The following APBA1 variants were observed in gnomAD, a reference collection of about 807,000 sequenced individuals.
The protein encoded by APBA1 is amyloid beta precursor protein binding family A member 1.
APBA1 carries 55 observed loss-of-function variants against 86.6 expected under a neutral mutation model. That is an observed-to-expected ratio of 0.64 (90% CI 0.51 to 0.80). The LOEUF (loss-of-function observed/expected upper bound fraction) is 0.80, where lower values mean the gene tolerates loss of function less well. Ranked by LOEUF, APBA1 falls within the 30% of genes least tolerant of loss-of-function variation. The probability of loss-of-function intolerance (pLI) is 0.00; values close to 1 mark genes in which losing one functional copy is unlikely to be tolerated. For missense variants in APBA1, 1,090 were observed against 1,183.0 expected (o/e 0.92, Z 1.15); for synonymous variants, 511 against 493.9 (o/e 1.03, Z -0.46).
At chr9:69,440,318 AG>A (rs1834793659) in intron 11 of APBA1, among the ~76,000 whole-genome samples, 1 of 152,218 alleles carries the variant, frequency 6.6e-6, no homozygotes, top group Non-Finnish European at 1.5e-5. Flanking sequence ...GCTGTCAGAC[AG>A]GGACATTTAA....
At chr9:69,634,567 A>G (rs980980616) in intron 1 of APBA1, among the ~76,000 whole-genome samples, 2 of 152,194 alleles carry the variant, frequency 1.3e-5, no homozygotes, top group African/African-American at 4.8e-5. Context: ...TCAAAGGGAT[A>G]ATAACAGAGA....
chr9:69,501,087 A>T (rs1408193382), intron 2 of APBA1, among the ~76,000 whole-genome samples: 1 of 152,002 alleles, frequency 6.6e-6, no homozygotes, highest in Non-Finnish European at 1.5e-5. Context: ...GTAGGGTCTG[A>T]CCAAGAGGTC....
At chr9:69,452,441 T>C (rs1158183707) in intron 8 of APBA1, 140 bp from the exon 9 acceptor site, 4 of 751,150 alleles carry the variant, frequency 5.3e-6, no homozygotes, top group Non-Finnish European at 8.4e-6. Flanking sequence ...CCAGTGGTTC[T>C]ACGTGGGGCT....
intron 1 of APBA1, among the ~76,000 whole-genome samples, chr9:69,612,227 T>C (rs968894713): frequency 6.6e-6 from 1 of 152,068 alleles, no homozygotes; most frequent in Non-Finnish European, 1.5e-5. Flanking sequence ...ACTATAAAAA[T>C]GGTTAACAGG....
intron 1 of APBA1, among the ~76,000 whole-genome samples, chr9:69,555,838 C>G (rs1227742221): frequency 6.6e-6 from 1 of 152,076 alleles, no homozygotes; most frequent in Non-Finnish European, 1.5e-5. Context: ...CTGTCATGTC[C>G]TCTGCTCATT....
intron 1 of APBA1, among the ~76,000 whole-genome samples, chr9:69,611,329 A>G (rs896851108): frequency 1.3e-5 from 2 of 151,910 alleles, no homozygotes; most frequent in Non-Finnish European, 2.9e-5. Flanking sequence ...AAACCGGCTA[A>G]AATGCTTCCC....
At chr9:69,569,695 T>A (rs192877886) in intron 1 of APBA1, among the ~76,000 whole-genome samples, 1 of 152,212 alleles carries the variant, frequency 6.6e-6, no homozygotes, top group Non-Finnish European at 1.5e-5. Context: ...GAAAACTTTG[T>A]CTGCAAGACT....
At chr9:69,635,010 G>A (rs1454164286) in intron 1 of APBA1, among the ~76,000 whole-genome samples, 2 of 152,038 alleles carry the variant, frequency 1.3e-5, no homozygotes, top group Admixed American at 6.6e-5. Flanking sequence ...GTATGCTAAT[G>A]AACAATAAGA....
At chr9:69,440,789 C>T (rs2133793520) in intron 11 of APBA1, among the ~76,000 whole-genome samples, 1 of 152,166 alleles carries the variant, frequency 6.6e-6, no homozygotes, top group East Asian at 1.9e-4. Context: ...CACCCACTGT[C>T]CTGCACCCAC....
chr9:69,442,913 C>A (rs1834848950), intron 10 of APBA1, among the ~76,000 whole-genome samples: 1 of 152,182 alleles, frequency 6.6e-6, no homozygotes, highest in Non-Finnish European at 1.5e-5. Context: ...AGGTACCCTG[C>A]CTGGCAGAGG....
chr9:69,526,618 G>T (rs1477412879), intron 1 of APBA1, among the ~76,000 whole-genome samples: 1 of 152,072 alleles, frequency 6.6e-6, no homozygotes, highest in Admixed American at 6.6e-5. Flanking sequence ...TGCACTGTTG[G>T]GTGGAATGTA....
intron 1 of APBA1, among the ~76,000 whole-genome samples, chr9:69,597,967 A>G (rs1194875711): frequency 6.6e-6 from 1 of 151,984 alleles, no homozygotes; most frequent in Non-Finnish European, 1.5e-5. Context: ...TCATGCTGCT[A>G]TAAAGACACA....
intron 1 of APBA1, among the ~76,000 whole-genome samples, chr9:69,585,839 G>A (rs977921961): frequency 2.0e-5 from 3 of 152,022 alleles, no homozygotes; most frequent in Non-Finnish European, 2.9e-5. Flanking sequence ...CTAGGACTTG[G>A]GACCATCTGC....
chr9:69,549,688 AATAGTT>A (rs1236930827), intron 1 of APBA1, among the ~76,000 whole-genome samples: 2 of 152,218 alleles, frequency 1.3e-5, no homozygotes, highest in Non-Finnish European at 2.9e-5. Context: ...CAATTCAATC[AATAGTT>A]ATAAAGTGTC....
intron 1 of APBA1, among the ~76,000 whole-genome samples, chr9:69,632,374 AT>A (rs1310959664): frequency 6.6e-6 from 1 of 152,098 alleles, no homozygotes; most frequent in Non-Finnish European, 1.5e-5. Context: ...TTTTTCCTTT[AT>A]TGAGAGAGAG....
At chr9:69,630,663 G>C (rs1211811585) in intron 1 of APBA1, among the ~76,000 whole-genome samples, 1 of 152,034 alleles carries the variant, frequency 6.6e-6, no homozygotes, top group Non-Finnish European at 1.5e-5. Context: ...CAGGCTCTCT[G>C]CTCCTCTGGC....
chr9:69,636,620 AC>A (rs1823164104), intron 1 of APBA1, among the ~76,000 whole-genome samples: 1 of 151,698 alleles, frequency 6.6e-6, no homozygotes. Context: ...ACACAGTGAA[AC>A]CCCATCTCTA....
intron 1 of APBA1, among the ~76,000 whole-genome samples, chr9:69,578,474 T>C (rs984510769): frequency 2.6e-5 from 4 of 152,150 alleles, no homozygotes; most frequent in Non-Finnish European, 4.4e-5. Context: ...TCATTTCTCC[T>C]CTCTAAATAC....
intron 12 of APBA1, among the ~76,000 whole-genome samples, chr9:69,431,950 ATGACAGCAGTGTTGAC>A (rs1232149449): frequency 7.2e-6 from 1 of 139,538 alleles, no homozygotes; most frequent in Non-Finnish European, 1.5e-5. Context: ...TGATAAATGA[ATGACAGCAGTGTTGAC>A]TGACAGCAGT....
Sources: allele counts gnomAD v4.1 joint callset (sites outside exome capture counted in the v4.1 genomes callset), GRCh38; gene constraint gnomAD v4.1.1; transcripts MANE v1.5; gene names NCBI Gene and HGNC (gene_info 2026-07-23, HGNC 2026-07-21).